The following ELAC2 variants were observed in gnomAD, a reference collection of about 807,000 sequenced individuals.
ELAC2 encodes zinc phosphodiesterase ELAC protein 2.
A neutral mutation model predicts 105.2 loss-of-function variants in ELAC2; 92 were observed. The ratio of observed to expected loss-of-function variants is 0.87; its 90% CI spans 0.74 to 1.04. The LOEUF is 1.04. Ranked by LOEUF, ELAC2 falls within the 50% of genes least tolerant of loss-of-function variation. ELAC2 has a pLI of 0.00. For synonymous variants in ELAC2, 468 were observed against 409.1 expected (o/e 1.14, Z -1.74); for missense variants, 1,099 against 1,071.7 (o/e 1.03, Z -0.36).
rs150294032 is a variant in ELAC2 at position 12,993,955 on chromosome 17, G to A, written c.2109-124C>T. On this transcript the variant is annotated intron_variant, in intron 22 of 23. Transcript: ENST00000338034. ...GGGGAAGCTGGTGGGTTTTCTTAAC[G>A]GGCACCTCCGTAGCCAGCACAATCT... 4,568 of 1,361,268 alleles carry A rather than the reference G, an allele frequency of 3.4e-3. 11 individuals carry two copies. Among genetic ancestry groups the A allele is most frequent in the Non-Finnish European group, 4.3e-3 (4,238 of 980,856 alleles). The allele number at this position is 1,361,268 out of a possible 1,614,324, so 84.3% of individuals were successfully genotyped here.
intron 21 of ELAC2, 97 bp from the exon 22 acceptor site, chr17:12,994,600 C>T: frequency 1.3e-6 from 2 of 1,594,782 alleles, no homozygotes; most frequent in East Asian, 2.2e-5. Flanking sequence ...ACTCAGCTCC[C>T]CTGGCCCTGG....
At chr17:13,017,031 C>G (rs781062719) in intron 2 of ELAC2, 40 bp downstream of exon 2, 3 of 1,613,486 alleles carry the variant, frequency 1.9e-6, no homozygotes, top group African/African-American at 1.3e-5. Context: ...TTTCAAGCCC[C>G]GTAATCAACT....
Position 12,995,961 on chromosome 17 carries a change from C to T in ELAC2, c.1677G>A (p.Leu559=). 1.3e-6 allele frequency: 2 copies of T among 1,596,880 alleles called. No individual in the cohort carries two copies. The highest frequency in any genetic ancestry group is 8.5e-7 in the Non-Finnish European group (1 of 1,170,374). Residue 559 remains leucine (L), a synonymous_variant, in exon 18 of 24, where the codon TTG becomes TTA. Transcript: ENST00000338034. ...TTACCAAGGCGCGTTCTCTCTGCAG[C>T]AAGATACTTGGCAAGCCCTGGCAAG... ...ADHHTGLPSI[L]LQRERALASL...
At chr17:12,999,225 T>C (rs1395464159) in intron 15 of ELAC2, among the ~76,000 whole-genome samples, 1 of 152,222 alleles carries the variant, frequency 6.6e-6, no homozygotes, top group Non-Finnish European at 1.5e-5. Context: ...ATGACATTTC[T>C]TTATGCTGGG....
Position 12,992,539 on chromosome 17 carries a change from G to A in ELAC2, c.*279C>T, listed in dbSNP as rs978317475. On this transcript the variant is annotated 3_prime_UTR_variant, in exon 24 of 24. Transcript: ENST00000338034. The stretch of plus-strand genomic sequence containing the variant: ...GAAAGGTGCCGCCGTCTGTTTCCAA[G>A]ACTTCTTTAAAAACTGCCTTGAAAT... 5.8e-6 allele frequency: 3 copies of A among 518,130 alleles called. No individual in the cohort carries two copies. The highest frequency in any genetic ancestry group is 1.0e-5 in the Non-Finnish European group (3 of 286,092). 32.1% of individuals were successfully genotyped at this position (518,130 alleles called of 1,614,324 possible). A position where few individuals can be genotyped will look rare whatever the true frequency, so the allele number is the denominator to read the frequency against.
At position 13,017,694 on chromosome 17, in the gene ELAC2, TTGAC is replaced by T. The variant is rs1567778547; in HGVS notation, c.245+5_245+8del. The stretch of plus-strand genomic sequence containing the variant: ...GCCCAGCGGGACGGGGCGTGGCTCG[TTGAC>T]TGACCGGTTGAACTCGGAGAAGACG... On this transcript the variant is annotated splice_donor_5th_base_variant and intron_variant, in intron 1 of 23. Coordinates refer to ENST00000338034, the MANE Select transcript of ELAC2 (RefSeq NM_018127.7). The T allele has an allele frequency of 3.7e-6, 6 of 1,613,024 alleles. No homozygotes were observed. The highest frequency in any genetic ancestry group is 2.2e-5 in the East Asian group (1 of 44,864).
At chr17:12,999,584 A>C (rs2040655479) in intron 15 of ELAC2, among the ~76,000 whole-genome samples, 1 of 151,974 alleles carries the variant, frequency 6.6e-6, no homozygotes, top group Non-Finnish European at 1.5e-5. Flanking sequence ...AAAACGTTTC[A>C]CTCAGTGCGT....
intron 14 of ELAC2, among the ~76,000 whole-genome samples, chr17:13,001,926 CTTTG>C (rs1287536582): frequency 6.6e-6 from 1 of 152,186 alleles, no homozygotes; most frequent in Non-Finnish European, 1.5e-5. Flanking sequence ...TTATGGGTGA[CTTTG>C]TTCATCACAC....
intron 8 of ELAC2, among the ~76,000 whole-genome samples, chr17:13,008,816 G>A (rs957026233): frequency 5.9e-5 from 9 of 152,140 alleles, no homozygotes; most frequent in African/African-American, 1.7e-4. Context: ...GGGGAAAGGC[G>A]TTATAGGCTA....
At position 13,016,955 on chromosome 17, in the gene ELAC2, A is replaced by AC; in HGVS notation, c.297-24dup. 1.9e-6 allele frequency: 3 copies of AC among 1,613,750 alleles called. No homozygotes were observed. In the African/African-American group the frequency reaches 4.0e-5, roughly 22 times the overall value. ...AACCTAAGAATGAAAAAACATTTAA[A>AC]CAGGATAACATGAACAGAACAAGGA... is the stretch of plus-strand genomic sequence containing the variant. On this transcript the variant is annotated intron_variant, in intron 2 of 23. Transcript: ENST00000338034.
intron 12 of ELAC2, 86 bp from the exon 13 acceptor site, chr17:13,002,665 G>A: frequency 6.5e-7 from 1 of 1,545,376 alleles, no homozygotes; most frequent in South Asian, 1.2e-5. Flanking sequence ...GAGTGGTAAT[G>A]AGGATGAGGT....
chr17:13,010,027 G>A (rs536503747), intron 8 of ELAC2, among the ~76,000 whole-genome samples: 2 of 150,712 alleles, frequency 1.3e-5, no homozygotes, highest in East Asian at 1.9e-4. Context: ...GGCTGACAGG[G>A]CACTGGAAAA....
At chr17:12,999,777 G>C (rs908711640) in intron 15 of ELAC2, among the ~76,000 whole-genome samples, 1 of 152,102 alleles carries the variant, frequency 6.6e-6, no homozygotes, top group Non-Finnish European at 1.5e-5. Flanking sequence ...TCCTGCCTCA[G>C]TCTCCCGAGT....
Position 12,993,739 on chromosome 17 carries a change from A to AG in ELAC2, c.2200dup (p.Leu734ProfsTer15). The AG allele has an allele frequency of 6.2e-7, 1 of 1,614,124 alleles. No individual in the cohort carries two copies. Among genetic ancestry groups the AG allele is most frequent in the Admixed American group, 1.7e-5 (1 of 60,020 alleles). Reference sequence around the variant, plus strand: ...TTTCTCGCTGAAGTTGGGGCTGAAGAGGGGGACCTTGGCATAGCGCTGGCT... The same window carrying AG: ...TTTCTCGCTGAAGTTGGGGCTGAAGAGGGGGGACCTTGGCATAGCGCTGGCT... On this transcript the variant is annotated frameshift_variant, in exon 23 of 24. Transcript: ENST00000338034. LOFTEE classifies it high-confidence loss of function.
intron 11 of ELAC2, chr17:13,003,840 A>AC: frequency 2.0e-6 from 1 of 496,718 alleles, no homozygotes; most frequent in South Asian, 2.0e-5. Flanking sequence ...TCAGCACTGC[A>AC]CTTCCTTCCT....
chr17:12,995,422 A>G lies in ELAC2; in HGVS notation c.1808+281T>C, dbSNP rs141862007. Among the ~76,000 whole-genome samples the G allele has an allele frequency of 1.2e-4, 19 of 152,348 alleles. No individual in the cohort carries two copies. In the East Asian group the frequency reaches 3.7e-3, roughly 29 times the overall value. On this transcript the variant is annotated intron_variant, in intron 19 of 23. Transcript: ENST00000338034. ...CACTATTTGGGTGCTTGGCTCTGGA[A>G]CTGTCTCATCAAGAAAAGCTGCTCG...
chr17:13,005,123 C>T lies in ELAC2; in HGVS notation c.871-22G>A, dbSNP rs760157766. 16 of 1,558,102 alleles carry T rather than the reference C, an allele frequency of 1.0e-5. No homozygotes were observed. In the East Asian group the frequency reaches 2.9e-4, roughly 28 times the overall value. ...AAATCTGCAAAACCAAATAAGCCCG[C>T]CCACTGGGGGTCACAGCTCAGCCAC... On this transcript the variant is annotated intron_variant, in intron 10 of 23. Coordinates refer to ENST00000338034, the MANE Select transcript of ELAC2 (RefSeq NM_018127.7).
At chr17:13,011,349 T>G (rs541946559) in intron 7 of ELAC2, among the ~76,000 whole-genome samples, 1 of 152,336 alleles carries the variant, frequency 6.6e-6, no homozygotes, top group South Asian at 2.1e-4. Context: ...TGCATAAATG[T>G]TACATTAATG....
intron 16 of ELAC2, among the ~76,000 whole-genome samples, chr17:12,996,918 T>C (rs2040505891): frequency 6.7e-6 from 1 of 149,146 alleles, no homozygotes; most frequent in Non-Finnish European, 1.5e-5. Flanking sequence ...CCCTTTCAAG[T>C]AGACTTACAC....
Sources: allele counts gnomAD v4.1 joint callset (sites outside exome capture counted in the v4.1 genomes callset), GRCh38; gene constraint gnomAD v4.1.1; transcripts MANE v1.5; gene names NCBI Gene and HGNC (gene_info 2026-07-23, HGNC 2026-07-21).